The following ITPKC variants were observed in gnomAD, a reference collection of about 807,000 sequenced individuals.
ITPKC encodes the protein IP3 3-kinase C.
Under a neutral mutation model 67.1 loss-of-function variants are expected in ITPKC, and 33 were observed. The observed-to-expected ratio is 0.49, with a 90% CI of 0.37 to 0.66. The LOEUF (loss-of-function observed/expected upper bound fraction) is 0.66, where lower values mean the gene tolerates loss of function less well. Ranked by LOEUF, ITPKC falls within the 30% of genes least tolerant of loss-of-function variation. ITPKC has a pLI of 0.00. For synonymous variants in ITPKC, 341 were observed against 359.8 expected (o/e 0.95, Z 0.59); for missense variants, 820 against 892.1 (o/e 0.92, Z 1.03).
intron 4 of ITPKC, among the ~76,000 whole-genome samples, chr19:40,734,627 GAGAA>G (rs1045713962): frequency 2.1e-5 from 3 of 144,436 alleles, no homozygotes; most frequent in Admixed American, 1.4e-4. Flanking sequence ...TTTTTTTTTT[GAGAA>G]AGAGTCTCGC....
In ITPKC at chr19:40,733,305, C is replaced by A. The variant is rs2082280379; in HGVS notation, c.1615C>A (p.Gln539Lys). 6.2e-7 allele frequency: 1 copy of A among 1,613,932 alleles called. No individual in the cohort carries two copies. The highest frequency in any genetic ancestry group is 8.5e-7 in the Non-Finnish European group (1 of 1,179,916). ...TGCAGTCACCAAGCCCCGCTACATG[C>A]AGTGGAGGGAAACCATGAGCTCCAC... ...QGAVTKPRYM[Q>K]WRETMSSTST... The change falls in exon 4 of 7, where the codon CAG becomes AAG. Residue 539 changes from glutamine to lysine, a missense_variant. Transcript: ENST00000263370.
chr19:40,733,191 C>T lies in ITPKC; in HGVS notation c.1501C>T (p.Arg501Trp), dbSNP rs769556058. The T allele has an allele frequency of 1.2e-5, 20 of 1,614,200 alleles. No homozygotes were observed. Among genetic ancestry groups the T allele is most frequent in the South Asian group, 2.2e-5 (2 of 91,084 alleles). Residue 501 changes from arginine to tryptophan, a missense_variant, in exon 4 of 7, where the codon CGG becomes TGG. Physicochemically the swap from Arg to Trp is moderately radical, Grantham distance 101 (BLOSUM62 -3). Around this residue, in one of 2 missense-constraint regions of ITPKC, gnomAD observed 339 missense variants for 422.0 expected, o/e 0.80. Coordinates refer to ENST00000263370, the MANE Select transcript of ITPKC (RefSeq NM_025194.3). ...TCTGGAAGAGGAGCTAGTGAAGGCA[C>T]GGGAACGTCCCCGTCCCCGGAAGGA... is the stretch of plus-strand genomic sequence containing the variant. ...TYLEEELVKA[R>W]ERPRPRKDMY... is the part of the protein sequence containing the mutation.
chr19:40,717,623 C>T lies in ITPKC; in HGVS notation c.488C>T (p.Pro163Leu), dbSNP rs750116450. The change falls in exon 1 of 7, where the codon CCC (proline) becomes CTC (leucine). Residue 163 changes from proline (P) to leucine (L), a missense_variant. Transcript: ENST00000263370. ...CAGTTTCAGCCCGAGGAGGCCAGCCCCTGGACACAGCCAGGGGTTCATGGG... is the reference window on the plus strand; with the variant it reads ...CAGTTTCAGCCCGAGGAGGCCAGCCTCTGGACACAGCCAGGGGTTCATGGG... The part of the protein sequence containing the change: ...DLQFQPEEAS[P>L]WTQPGVHGPW... The T allele has an allele frequency of 5.1e-5, 83 of 1,614,016 alleles. No homozygotes were observed. Among genetic ancestry groups the T allele is most frequent in the Middle Eastern group, 3.3e-4 (2 of 6,084 alleles).
At chr19:40,734,341 G>T (rs2082284963) in intron 4 of ITPKC, among the ~76,000 whole-genome samples, 1 of 152,024 alleles carries the variant, frequency 6.6e-6, no homozygotes, top group South Asian at 2.1e-4. Flanking sequence ...AAGACATTTT[G>T]CAAGTATGCA....
At chr19:40,732,068 C>G (rs1372024726) in intron 3 of ITPKC, among the ~76,000 whole-genome samples, 1 of 151,666 alleles carries the variant, frequency 6.6e-6, no homozygotes, top group East Asian at 1.9e-4. Flanking sequence ...AACTCTGACT[C>G]TACTAAAAAA....
At chr19:40,736,565 G>T (rs1177113625) in intron 4 of ITPKC, among the ~76,000 whole-genome samples, 2 of 151,998 alleles carry the variant, frequency 1.3e-5, no homozygotes, top group Non-Finnish European at 2.9e-5. Flanking sequence ...ATGTAGTGGT[G>T]CAATCAATGC....
chr19:40,732,355 C>T (rs545495729), intron 3 of ITPKC, among the ~76,000 whole-genome samples: 2 of 150,902 alleles, frequency 1.3e-5, no homozygotes, highest in East Asian at 3.9e-4. Context: ...ATCGTGAAAC[C>T]CCATCTCTAC....
intron 1 of ITPKC, among the ~76,000 whole-genome samples, chr19:40,721,597 G>A (rs2082222806): frequency 1.3e-5 from 2 of 151,884 alleles, no homozygotes; most frequent in African/African-American, 2.4e-5. Context: ...CTGAGCTCCT[G>A]ACCTCAGGTG....
At chr19:40,720,321 T>G (rs1175928222) in intron 1 of ITPKC, among the ~76,000 whole-genome samples, 1 of 150,828 alleles carries the variant, frequency 6.6e-6, no homozygotes, top group Non-Finnish European at 1.5e-5. Flanking sequence ...GAGCCGAGAT[T>G]GCACCACTGC....
In ITPKC at chr19:40,717,457, A is replaced by G. The variant is rs1247988891; in HGVS notation, c.322A>G (p.Arg108Gly). The change falls in exon 1 of 7, where the codon AGG becomes GGG. Residue 108 changes from arginine to glycine, a missense_variant. By Grantham distance (125) the Arg-to-Gly change is moderately radical (BLOSUM62 -2). This residue lies in a region of ITPKC where 481 missense variants were observed against 470.1 expected (regional missense o/e 1.02). Transcript: ENST00000263370. ...AAAGLGVETERPKQKTEPDRS... is the reference protein window; with the variant it reads ...AAAGLGVETEGPKQKTEPDRS... ...AGCTGGCCTTGGAGTAGAGACCGAG[A>G]GGCCCAAGCAAAAGACGGAGCCAGA... 2.5e-6 allele frequency: 4 copies of G among 1,613,946 alleles called. No individual in the cohort carries two copies. In the African/African-American group the frequency reaches 4.0e-5, roughly 16 times the overall value.
chr19:40,738,256 G>A (rs545199222), intron 6 of ITPKC, among the ~76,000 whole-genome samples: 96 of 152,136 alleles, frequency 6.3e-4, no homozygotes, highest in Non-Finnish European at 1.4e-3. Context: ...GTGAAACCCC[G>A]TCTCTACTAA....
At chr19:40,728,556 A>T (rs983247681) in intron 2 of ITPKC, among the ~76,000 whole-genome samples, 3 of 152,182 alleles carry the variant, frequency 2.0e-5, no homozygotes, top group Non-Finnish European at 2.9e-5. Context: ...GCAAAAGCAA[A>T]TCCACTCTGG....
intron 4 of ITPKC, among the ~76,000 whole-genome samples, chr19:40,736,310 A>G (rs2082294145): frequency 6.6e-6 from 1 of 151,264 alleles, no homozygotes; most frequent in Non-Finnish European, 1.5e-5. Flanking sequence ...AAAAGAGCAG[A>G]GTCACGATTC....
In ITPKC at chr19:40,718,141, A is replaced by C. The variant is rs1599645492; in HGVS notation, c.1006A>C (p.Thr336Pro). The stretch of plus-strand genomic sequence containing the variant: ...GCCCCGCCTCATCATTACCCCTGAG[A>C]CCCCTGAGCCTGAGGCCCAGCCAGT... ...PVPRLIITPE[T>P]PEPEAQPVGP... The change falls in exon 1 of 7, where the codon ACC (threonine) becomes CCC (proline). Residue 336 changes from threonine to proline, a missense_variant. Around this residue, in one of 2 missense-constraint regions of ITPKC, gnomAD observed 481 missense variants for 470.1 expected, o/e 1.02. Transcript: ENST00000263370. The C allele has an allele frequency of 1.2e-6, 2 of 1,605,592 alleles. No homozygotes were observed. The highest frequency in any genetic ancestry group is 1.7e-6 in the Non-Finnish European group (2 of 1,176,948).
At chr19:40,725,977 A>T (rs2082244765) in intron 2 of ITPKC, among the ~76,000 whole-genome samples, 1 of 151,978 alleles carries the variant, frequency 6.6e-6, no homozygotes, top group Non-Finnish European at 1.5e-5. Context: ...GCAGTGGCTC[A>T]TGCCTGTAAT....
In ITPKC at chr19:40,717,668, C is replaced by T. The variant is rs2082197353; in HGVS notation, c.533C>T (p.Thr178Met). 1.2e-6 allele frequency: 2 copies of T among 1,614,118 alleles called. No homozygotes were observed. The highest frequency in any genetic ancestry group is 1.7e-6 in the Non-Finnish European group (2 of 1,180,010). Reference sequence around the variant, plus strand: ...CATGGGCCCTGGACAGAGCTGGAAACGCATGGGTCACAGACTCAGCCAGAG... The same window carrying T: ...CATGGGCCCTGGACAGAGCTGGAAATGCATGGGTCACAGACTCAGCCAGAG... ...GVHGPWTELE[T>M]HGSQTQPERV... The change falls in exon 1 of 7, where the codon ACG becomes ATG. Residue 178 changes from threonine (T) to methionine (M), a missense_variant. Physicochemically the swap from Thr to Met is moderately conservative, Grantham distance 81 (BLOSUM62 -1). This residue lies in a region of ITPKC where 481 missense variants were observed against 470.1 expected (regional missense o/e 1.02). Coordinates refer to ENST00000263370, the MANE Select transcript of ITPKC (RefSeq NM_025194.3).
chr19:40,733,275 C>T lies in ITPKC; in HGVS notation c.1585C>T (p.Gln529Ter). The part of the protein sequence containing the change: ...PGAPTPEEHA[Q>*]GAVTKPRYMQ... ...GGCCCCTACCCCTGAGGAGCATGCC[C>T]AGGGTGCAGTCACCAAGCCCCGCTA... Residue 529 changes from glutamine to a stop codon, truncating the protein, a stop_gained, in exon 4 of 7, where the codon CAG becomes TAG. Transcript: ENST00000263370. LOFTEE classifies it high-confidence loss of function. The T allele has an allele frequency of 1.9e-6, 3 of 1,614,126 alleles. No individual in the cohort carries two copies. Among genetic ancestry groups the T allele is most frequent in the Non-Finnish European group, 2.5e-6 (3 of 1,179,986 alleles).
At chr19:40,724,589 ACTCCTGC>A (rs2082237441) in intron 1 of ITPKC, among the ~76,000 whole-genome samples, 1 of 150,546 alleles carries the variant, frequency 6.6e-6, no homozygotes, top group Non-Finnish European at 1.5e-5. Context: ...CCATCCATCA[ACTCCTGC>A]CTCTATAATT....
chr19:40,734,242 T>C (rs117825933), intron 4 of ITPKC, among the ~76,000 whole-genome samples: 2,964 of 152,350 alleles, frequency 0.019, 38 homozygotes, highest in Non-Finnish European at 0.028. Context: ...AACACTGTTT[T>C]TGTGACTGTG....
Sources: allele counts gnomAD v4.1 joint callset (sites outside exome capture counted in the v4.1 genomes callset), GRCh38; gene constraint gnomAD v4.1.1; regional missense constraint gnomAD v4.1.1; transcripts MANE v1.5; gene names NCBI Gene and HGNC (gene_info 2026-07-23, HGNC 2026-07-21).